Variants in NCALD observed in about 807,000 individuals in gnomAD.
NCALD encodes neurocalcin delta.
A neutral mutation model predicts 18.6 loss-of-function variants in NCALD; 10 were observed. The ratio of observed to expected loss-of-function variants is 0.54; its 90% CI spans 0.33 to 0.91. The LOEUF is 0.91. NCALD is among the 40% of genes least tolerant of loss of function. The probability of loss-of-function intolerance (pLI) is 0.03; values close to 1 mark genes in which losing one functional copy is unlikely to be tolerated. For synonymous variants in NCALD, 88 were observed against 87.4 expected, an observed-to-expected ratio of 1.01 and a Z score of -0.04; for missense variants, 184 against 247.6, an observed-to-expected ratio of 0.74 and a Z score of 1.72.
At chr8:101,817,047 C>G (rs1813525565) in intron 4 of NCALD, among the ~76,000 whole-genome samples, 1 of 152,112 alleles carries the variant, frequency 6.6e-6, no homozygotes, top group Non-Finnish European at 1.5e-5. Context: ...CCATTTTAAG[C>G]CCAGAAGATG....
chr8:101,882,575 C>T (rs1586687296), intron 4 of NCALD, among the ~76,000 whole-genome samples: 1 of 152,310 alleles, frequency 6.6e-6, no homozygotes, highest in African/African-American at 2.4e-5. Flanking sequence ...CCGAAGCAGA[C>T]TAAGACAGCA....
intron 1 of NCALD, among the ~76,000 whole-genome samples, chr8:101,766,183 C>G (rs552038135): frequency 7.2e-5 from 11 of 152,266 alleles, no homozygotes; most frequent in Non-Finnish European, 1.5e-4. Flanking sequence ...CAGAGGTCCC[C>G]CAATCATATC....
intron 4 of NCALD, among the ~76,000 whole-genome samples, chr8:101,830,559 A>C (rs1197146683): frequency 6.6e-6 from 1 of 151,554 alleles, no homozygotes; most frequent in Non-Finnish European, 1.5e-5. Context: ...AAAAAAAAAA[A>C]AGAAAGAAAA....
At chr8:101,967,123 C>G (rs566188690) in intron 2 of NCALD, among the ~76,000 whole-genome samples, 1 of 152,210 alleles carries the variant, frequency 6.6e-6, no homozygotes, top group South Asian at 2.1e-4. Context: ...TTGGAACAAA[C>G]TAAATTCAAA....
At chr8:101,870,909 C>CAAAA (rs1554649159) in intron 4 of NCALD, among the ~76,000 whole-genome samples, 1 of 81,482 alleles carries the variant, frequency 1.2e-5, no homozygotes, top group African/African-American at 5.0e-5. Context: ...CCCCCCCCCC[C>CAAAA]AAAAAAAGAG....
intron 3 of NCALD, among the ~76,000 whole-genome samples, chr8:101,890,893 C>A (rs1440241854): frequency 1.3e-5 from 2 of 152,152 alleles, no homozygotes; most frequent in Non-Finnish European, 2.9e-5. Flanking sequence ...AGATTTAACA[C>A]AAATGTCCAT....
chr8:101,913,131 C>T (rs1447331608), intron 3 of NCALD, among the ~76,000 whole-genome samples: 1 of 152,174 alleles, frequency 6.6e-6, no homozygotes, highest in African/African-American at 2.4e-5. Flanking sequence ...CTTTCCAAGA[C>T]CATAAGCAGA....
rs573166132 is a variant in NCALD, at chr8:102,102,908, T to C, written c.-210+21329A>G. On this transcript the variant is annotated intron_variant, in intron 1 of 6. Coordinates refer to the NCALD transcript ENST00000311028. ...CCTCAGCTCTGCACATGCAGGAATT[T>C]GATTTTATCAGTTCACTCGGGAGTG... is the stretch of plus-strand genomic sequence containing the variant. Among the ~76,000 whole-genome samples the C allele has an allele frequency of 5.9e-5, 9 of 152,286 alleles. No homozygotes were observed. The East Asian group carries it at 1.7e-3, about 29-fold the overall frequency.
rs565911304 is a variant in NCALD at position 101,788,187 on chromosome 8, G to T, written c.-20+2675C>A. Among the ~76,000 whole-genome samples, 17 of 152,320 alleles carry T rather than the reference G, an allele frequency of 1.1e-4. No homozygotes were observed. In the East Asian group the frequency reaches 3.3e-3, roughly 29 times the overall value. Reference sequence around the variant, plus strand: ...CGGTGGAACCGAATGTGGAAATGGGGTGATGGGTTTTGTCCAGTGCAGTTC... The same window carrying T: ...CGGTGGAACCGAATGTGGAAATGGGTTGATGGGTTTTGTCCAGTGCAGTTC... On this transcript the variant is annotated intron_variant, in intron 1 of 3. Transcript: ENST00000220931.
chr8:101,990,754 C>T (rs1043579281), intron 2 of NCALD, among the ~76,000 whole-genome samples: 15 of 152,142 alleles, frequency 9.9e-5, no homozygotes, highest in Non-Finnish European at 1.9e-4. Context: ...TAAGGTATAT[C>T]TTTATCAGCA....
At chr8:102,124,754 G>C (rs566926619), upstream of NCALD, 6 of 152,476 alleles carry the variant, frequency 3.9e-5, no homozygotes, top group Non-Finnish European at 5.9e-5. Context: ...CAGTTGAAAA[G>C]CTTCTCAGGT....
chr8:101,838,262 G>A (rs773274683), intron 4 of NCALD, among the ~76,000 whole-genome samples: 7 of 151,558 alleles, frequency 4.6e-5, no homozygotes, highest in Admixed American at 2.6e-4. Context: ...TTGCCCTGTC[G>A]CCAGCCTGGA....
At chr8:101,974,606 AAT>A in intron 2 of NCALD, among the ~76,000 whole-genome samples, 1 of 152,372 alleles carries the variant, frequency 6.6e-6, no homozygotes, top group South Asian at 2.1e-4. Flanking sequence ...TCCCTTAAAA[AAT>A]ATATAATAGC....
At chr8:101,969,636 A>T (rs1820162757) in intron 2 of NCALD, among the ~76,000 whole-genome samples, 1 of 152,056 alleles carries the variant, frequency 6.6e-6, no homozygotes. Context: ...CCTGGCAAAA[A>T]AAGACACACC....
At chr8:102,082,973 TGA>T (rs1197059668) in intron 1 of NCALD, among the ~76,000 whole-genome samples, 2 of 152,230 alleles carry the variant, frequency 1.3e-5, no homozygotes, top group Non-Finnish European at 2.9e-5. Flanking sequence ...GAATTACTAC[TGA>T]GATGCAAACG....
chr8:102,099,860 T>G (rs1825218515), intron 1 of NCALD, among the ~76,000 whole-genome samples: 1 of 151,774 alleles, frequency 6.6e-6, no homozygotes, highest in Non-Finnish European at 1.5e-5. Flanking sequence ...TAATCCCAGC[T>G]ACTCAGGAGG....
rs544981172 is a variant in NCALD, at chr8:101,712,942, A to G, written c.378+6310T>C. The stretch of plus-strand genomic sequence containing the variant: ...GACCAAGCAGACCTAACAGACATCT[A>G]CAGAACTCTACACCCCAAATCAACA... On this transcript the variant is annotated intron_variant, in intron 2 of 3. Transcript: ENST00000220931. 2.3e-4 allele frequency among the ~76,000 whole-genome samples: 35 copies of G among 152,358 alleles called. No homozygotes were observed. The South Asian group carries it at 7.0e-3, about 31-fold the overall frequency.
chr8:102,118,296 T>C (rs1825848410), intron 1 of NCALD, among the ~76,000 whole-genome samples: 1 of 152,238 alleles, frequency 6.6e-6, no homozygotes, highest in Non-Finnish European at 1.5e-5. Flanking sequence ...CTCCAGAAAC[T>C]GCTCTCTCAC....
intron 1 of NCALD, among the ~76,000 whole-genome samples, chr8:101,731,447 C>T (rs928550276): frequency 1.3e-5 from 2 of 152,158 alleles, no homozygotes; most frequent in East Asian, 3.9e-4. Flanking sequence ...AACCCAACTA[C>T]ACATCTTGCA....
Sources: allele counts gnomAD v4.1 joint callset (sites outside exome capture counted in the v4.1 genomes callset), GRCh38; gene constraint gnomAD v4.1.1; transcripts MANE v1.5; gene names NCBI Gene and HGNC (gene_info 2026-07-23, HGNC 2026-07-21).